The following ZDHHC6 variants were observed in gnomAD, a reference collection of about 807,000 sequenced individuals.
ZDHHC6 encodes zDHHC palmitoyltransferase 6, also known as palmitoyltransferase ZDHHC6.
A neutral mutation model predicts 57.8 loss-of-function variants in ZDHHC6; 32 were observed. The ratio of observed to expected loss-of-function variants is 0.55; its 90% confidence interval spans 0.42 to 0.74. The LOEUF (loss-of-function observed/expected upper bound fraction) is 0.74, where lower values mean the gene tolerates loss of function less well. Ranked by LOEUF, ZDHHC6 falls within the 30% of genes least tolerant of loss-of-function variation. The probability of loss-of-function intolerance (pLI) is 0.00; values close to 1 mark genes in which losing one functional copy is unlikely to be tolerated. For synonymous variants in ZDHHC6, 128 were observed against 158.0 expected, an observed-to-expected ratio of 0.81 and a Z score of 1.42; for missense variants, 433 against 500.7, an observed-to-expected ratio of 0.86 and a Z score of 1.29.
chr10:112,443,451 G>T, intron 3 of ZDHHC6, 64 bp downstream of exon 3: 1 of 1,399,754 alleles, frequency 7.1e-7, no homozygotes, highest in Non-Finnish European at 1.0e-6. Flanking sequence ...TGTAGTATAA[G>T]CAACAATGAA....
chr10:112,438,463 T>C, intron 5 of ZDHHC6, 74 bp from the exon 6 acceptor site: 1 of 1,143,590 alleles, frequency 8.7e-7, no homozygotes, highest in Non-Finnish European at 1.2e-6. Flanking sequence ...CATAATTCTC[T>C]GAGATAGCTT....
intron 6 of ZDHHC6, among the ~76,000 whole-genome samples, chr10:112,434,767 A>G (rs762625723): frequency 6.6e-6 from 1 of 152,234 alleles, no homozygotes; most frequent in African/African-American, 2.4e-5. Flanking sequence ...AAAGTCCTCA[A>G]TGCTCCTAGT....
At chr10:112,435,766 GAA>G (rs1845467818) in intron 6 of ZDHHC6, among the ~76,000 whole-genome samples, 1 of 152,082 alleles carries the variant, frequency 6.6e-6, no homozygotes, top group South Asian at 2.1e-4. Context: ...GAATTTCAAA[GAA>G]AAGAGTTCTA....
At chr10:112,425,616 AGTT>A, downstream of ZDHHC6, 1 of 807,090 alleles carries the variant, frequency 1.2e-6, no homozygotes, top group Non-Finnish European at 1.8e-6. Context: ...AAAAAAATGA[AGTT>A]ACATTCCAAA....
At position 112,430,890 on chromosome 10, in the gene ZDHHC6, C is replaced by T; in HGVS notation, c.1156G>A (p.Gly386Ser). 1 of 1,613,402 alleles carries T rather than the reference C, an allele frequency of 6.2e-7. No individual in the cohort carries two copies. Among genetic ancestry groups the T allele is most frequent in the Non-Finnish European group, 8.5e-7 (1 of 1,179,710 alleles). Reference sequence around the variant, plus strand: ...TCCACACATTTTCTAGGGAACCAACCCCTTATTCTTGAAACACCTGAGGGA... The same window carrying T: ...TCCACACATTTTCTAGGGAACCAACTCCTTATTCTTGAAACACCTGAGGGA... Reference protein sequence around the residue: ...SFIEGVSRIRGWFPRKCVEKC... With the variant: ...SFIEGVSRIRSWFPRKCVEKC... Residue 386 changes from glycine (G) to serine (S), a missense_variant, in exon 11 of 11, where the codon GGT (glycine) becomes AGT (serine). Coordinates refer to ENST00000369405, the MANE Select transcript of ZDHHC6 (RefSeq NM_022494.3).
intron 8 of ZDHHC6, 35 bp downstream of exon 8, chr10:112,433,202 AAAG>A: frequency 6.5e-7 from 1 of 1,544,690 alleles, no homozygotes; most frequent in South Asian, 1.3e-5. Context: ...GAGCCTAACA[AAAG>A]AAAAAAAAAT....
chr10:112,425,450 T>C (rs776956421), downstream of ZDHHC6: 2 of 1,613,174 alleles, frequency 1.2e-6, no homozygotes, highest in Non-Finnish European at 1.7e-6. Flanking sequence ...CAACCAGTGT[T>C]ACAAATTTTT....
intron 6 of ZDHHC6, among the ~76,000 whole-genome samples, chr10:112,437,923 G>T (rs1453449145): frequency 6.6e-6 from 1 of 152,196 alleles, no homozygotes; most frequent in Non-Finnish European, 1.5e-5. Flanking sequence ...ATTGGACATT[G>T]TGAGGTCTGT....
chr10:112,436,556 G>A (rs549258293), intron 6 of ZDHHC6, among the ~76,000 whole-genome samples: 4 of 152,352 alleles, frequency 2.6e-5, no homozygotes, highest in Non-Finnish European at 5.9e-5. Context: ...TACATCAGTG[G>A]TTCTCAAAGC....
chr10:112,429,966 T>TG (rs141673449), downstream of ZDHHC6, among the ~76,000 whole-genome samples: 11,045 of 108,052 alleles, frequency 0.1, 950 homozygotes, highest in African/African-American at 0.32. Context: ...AAGCAGTTGT[T>TG]GGGGGGGGGG....
chr10:112,427,135 C>T, downstream of ZDHHC6: 1 of 1,428,450 alleles, frequency 7.0e-7, no homozygotes. Flanking sequence ...ATCAACCTCA[C>T]TTTCTTCACA....
intron 3 of ZDHHC6, 97 bp from the exon 4 acceptor site, chr10:112,442,448 T>C: frequency 8.2e-7 from 1 of 1,220,580 alleles, no homozygotes; most frequent in Non-Finnish European, 1.1e-6. Context: ...GAATCCAGCA[T>C]GTCCATGAGC....
At chr10:112,425,832 G>A (rs1254267314), downstream of ZDHHC6, among the ~76,000 whole-genome samples, 1 of 151,616 alleles carries the variant, frequency 6.6e-6, no homozygotes, top group African/African-American at 2.4e-5. Context: ...ACAAACTGTT[G>A]CAATATATAT....
exon 12 of ZDHHC6, chr10:112,425,261 C>A: frequency 7.6e-7 from 1 of 1,308,978 alleles, no homozygotes; most frequent in Non-Finnish European, 1.0e-6. Flanking sequence ...AGAAAGATGA[C>A]TGTGACTTCA....
In ZDHHC6 at chr10:112,436,444, C is replaced by G. The variant is rs1179102964; in HGVS notation, c.735+1892G>C. Reference sequence around the variant, plus strand: ...CGAGCCAAGATTGTGCCACTGCACTCCAGCCTGGGCAACAGAGCGAGACTC... The same window carrying G: ...CGAGCCAAGATTGTGCCACTGCACTGCAGCCTGGGCAACAGAGCGAGACTC... On this transcript the variant is annotated intron_variant, in intron 6 of 10. Coordinates refer to ENST00000369405, the MANE Select transcript of ZDHHC6 (RefSeq NM_022494.3). Among the ~76,000 whole-genome samples, 4 of 152,232 alleles carry G rather than the reference C, an allele frequency of 2.6e-5. No homozygotes were observed. The East Asian group carries it at 5.8e-4, about 22-fold the overall frequency.
intron 6 of ZDHHC6, among the ~76,000 whole-genome samples, chr10:112,434,720 G>T (rs573758770): frequency 6.6e-6 from 1 of 152,272 alleles, no homozygotes; most frequent in East Asian, 1.9e-4. Context: ...ACTCATAAAG[G>T]CTTATTAAAA....
chr10:112,430,817 T>C lies in ZDHHC6; in HGVS notation c.1229A>G (p.Lys410Arg). 6.2e-7 allele frequency: 1 copy of C among 1,612,896 alleles called. No homozygotes were observed. Among genetic ancestry groups the C allele is most frequent in the Non-Finnish European group, 8.5e-7 (1 of 1,179,554 alleles). The part of the protein sequence containing the change: ...AETDQAPEGE[K>R]KNR ...TTTTAACAGCAGCTATCTATTTTTC[T>C]TCTCCCCCTCTGGGGCTTGATCTGT... is the stretch of plus-strand genomic sequence containing the variant. Residue 410 changes from lysine (K) to arginine (R), a missense_variant, in exon 11 of 11, where the codon AAG becomes AGG. Physicochemically the swap from Lys to Arg is conservative, Grantham distance 26. Transcript: ENST00000369405.
In ZDHHC6 at chr10:112,434,330, T is replaced by C. The variant is rs1328072431; in HGVS notation, c.870A>G (p.Pro290=). 1.9e-6 allele frequency: 3 copies of C among 1,613,420 alleles called. No individual in the cohort carries two copies. The East Asian group carries it at 6.7e-5, about 36-fold the overall frequency. ...TGTATTGGTGACAGCCTTCTCTTACTGGCCACTCAAGTCCATCTCCTTCAG... is the reference window on the plus strand; with the variant it reads ...TGTATTGGTGACAGCCTTCTCTTACCGGCCACTCAAGTCCATCTCCTTCAG... The part of the protein sequence containing the change: ...GVPEGDGLEW[P]VREGCHQYSL... The change falls in exon 7 of 11, where the codon CCA becomes CCG. Residue 290 remains proline, a synonymous_variant. Coordinates refer to ENST00000369405, the MANE Select transcript of ZDHHC6 (RefSeq NM_022494.3).
At chr10:112,425,443 C>A (rs771141790), downstream of ZDHHC6, 1 of 1,612,908 alleles carries the variant, frequency 6.2e-7, no homozygotes, top group Admixed American at 1.7e-5. Context: ...CAGGAGTCAA[C>A]CAGTGTTACA....
Sources: allele counts gnomAD v4.1 joint callset (sites outside exome capture counted in the v4.1 genomes callset), GRCh38; gene constraint gnomAD v4.1.1; transcripts MANE v1.5; gene names NCBI Gene and HGNC (gene_info 2026-07-23, HGNC 2026-07-21).